ADGRL2: variants seen among roughly 807,000 people sequenced by gnomAD.
The protein encoded by ADGRL2 is adhesion G protein-coupled receptor L2, also known as calcium-independent alpha-latrotoxin receptor 2.
ADGRL2 carries 44 observed loss-of-function variants against 157.4 expected under a neutral mutation model. The ratio of observed to expected loss-of-function variants is 0.28; its 90% CI spans 0.22 to 0.36. The LOEUF is 0.36. Ranked by LOEUF, ADGRL2 falls within the 10% of genes least tolerant of loss-of-function variation. The probability of loss-of-function intolerance (pLI) is 1.00; values close to 1 mark genes in which losing one functional copy is unlikely to be tolerated. For missense variants in ADGRL2, 1,510 were observed against 1,768.9 expected (o/e 0.85, Z 2.63); for synonymous variants, 585 against 624.7 (o/e 0.94, Z 0.95).
chr1:81,767,394 C>T (rs188466035), intron 2 of ADGRL2, among the ~76,000 whole-genome samples: 1 of 152,168 alleles, frequency 6.6e-6, no homozygotes, highest in East Asian at 1.9e-4. Context: ...ATTTTGCTCC[C>T]TAGAGAATAC....
chr1:81,886,295 C>T (rs937261374), intron 2 of ADGRL2, among the ~76,000 whole-genome samples: 1 of 152,116 alleles, frequency 6.6e-6, no homozygotes, highest in Non-Finnish European at 1.5e-5. Context: ...CCTCAGCCTC[C>T]CAAGTACCTG....
At chr1:81,647,129 C>A (rs917886885) in intron 3 of ADGRL2, among the ~76,000 whole-genome samples, 1 of 152,122 alleles carries the variant, frequency 6.6e-6, no homozygotes, top group South Asian at 2.1e-4. Flanking sequence ...AAAATTCAAA[C>A]AAAATCTATC....
At chr1:81,925,678 A>T (rs1320420343) in intron 3 of ADGRL2, among the ~76,000 whole-genome samples, 2 of 151,962 alleles carry the variant, frequency 1.3e-5, no homozygotes, top group Non-Finnish European at 2.9e-5. Flanking sequence ...CACACTTCCA[A>T]AGTCTTGTTA....
At chr1:81,828,079 CAG>C (rs1256030499) in intron 1 of ADGRL2, among the ~76,000 whole-genome samples, 5 of 152,302 alleles carry the variant, frequency 3.3e-5, no homozygotes, top group Admixed American at 6.5e-5. Context: ...CATCTATAAA[CAG>C]GGGTTGGGCA....
At chr1:81,691,922 A>G (rs1050744929) in intron 3 of ADGRL2, among the ~76,000 whole-genome samples, 10 of 143,458 alleles carry the variant, frequency 7.0e-5, no homozygotes, top group Non-Finnish European at 7.6e-5. Flanking sequence ...ATATGTGTGT[A>G]TATATATATA....
intron 11 of ADGRL2, among the ~76,000 whole-genome samples, chr1:81,960,409 A>G (rs937754864): frequency 1.3e-5 from 2 of 151,998 alleles, no homozygotes; most frequent in Non-Finnish European, 2.9e-5. Context: ...GATCGGTTCC[A>G]TGGTTTAGAT....
chr1:81,718,903 A>T (rs2084206032), intron 1 of ADGRL2, among the ~76,000 whole-genome samples: 1 of 152,230 alleles, frequency 6.6e-6, no homozygotes, highest in Admixed American at 6.5e-5. Flanking sequence ...GCCCCAAAAC[A>T]ATTATCTTGG....
chr1:81,570,656 T>C (rs1282525764), intron 2 of ADGRL2, among the ~76,000 whole-genome samples: 1 of 152,204 alleles, frequency 6.6e-6, no homozygotes, highest in Non-Finnish European at 1.5e-5. Context: ...CCCAAAGTAC[T>C]GAGATTACAG....
intron 1 of ADGRL2, among the ~76,000 whole-genome samples, chr1:81,443,573 C>G (rs888692688): frequency 1.3e-4 from 20 of 152,044 alleles, no homozygotes; most frequent in African/African-American, 4.6e-4. Context: ...AGAAATCCAG[C>G]CACCTACACA....
intron 3 of ADGRL2, among the ~76,000 whole-genome samples, chr1:81,908,973 C>G (rs1268233920): frequency 6.6e-6 from 1 of 151,176 alleles, no homozygotes; most frequent in Non-Finnish European, 1.5e-5. Context: ...CTCCTGGGTT[C>G]AAGCAATTCT....
intron 2 of ADGRL2, among the ~76,000 whole-genome samples, chr1:81,852,108 C>A (rs2093034870): frequency 1.3e-5 from 2 of 151,950 alleles, no homozygotes; most frequent in African/African-American, 4.8e-5. Context: ...TTCAGAAGTG[C>A]TAGTTTCTAA....
intron 3 of ADGRL2, among the ~76,000 whole-genome samples, chr1:81,922,153 A>G (rs2094995846): frequency 6.6e-6 from 1 of 152,170 alleles, no homozygotes; most frequent in African/African-American, 2.4e-5. Context: ...ACAAACTTTC[A>G]AAAGCTGGTG....
At chr1:81,385,250 G>A (rs976223482) in intron 1 of ADGRL2, among the ~76,000 whole-genome samples, 1 of 151,972 alleles carries the variant, frequency 6.6e-6, no homozygotes, top group Non-Finnish European at 1.5e-5. Flanking sequence ...TACAGCTTTC[G>A]GGGCTTGGTG....
At chr1:81,909,932 T>C (rs2094674788) in intron 3 of ADGRL2, among the ~76,000 whole-genome samples, 1 of 151,966 alleles carries the variant, frequency 6.6e-6, no homozygotes, top group Non-Finnish European at 1.5e-5. Flanking sequence ...TAAATTGGTG[T>C]TTAGCCACTT....
intron 1 of ADGRL2, among the ~76,000 whole-genome samples, chr1:81,727,055 A>C (rs901286479): frequency 6.6e-6 from 1 of 152,240 alleles, no homozygotes; most frequent in South Asian, 2.1e-4. Context: ...CATGTACAGT[A>C]ACAATTGCAC....
chr1:81,490,320 TG>T (rs1490129352), intron 2 of ADGRL2, among the ~76,000 whole-genome samples: 5 of 152,080 alleles, frequency 3.3e-5, no homozygotes, highest in Non-Finnish European at 5.9e-5. Context: ...TTAGTAGAGA[TG>T]GGGCTTCAAC....
chr1:81,326,988 C>T (rs1660946670), intron 1 of ADGRL2, among the ~76,000 whole-genome samples: 1 of 152,100 alleles, frequency 6.6e-6, no homozygotes, highest in East Asian at 1.9e-4. Flanking sequence ...CTCGGATTTC[C>T]CTGCAGCGGA....
chr1:81,366,536 C>T (rs1168780139), intron 1 of ADGRL2, among the ~76,000 whole-genome samples: 1 of 152,102 alleles, frequency 6.6e-6, no homozygotes, highest in Non-Finnish European at 1.5e-5. Context: ...ATGCTTTTCA[C>T]TGACCCAGGA....
In ADGRL2 at chr1:81,943,071, C is replaced by G; in HGVS notation, c.512C>G (p.Ala171Gly). The G allele has an allele frequency of 3.1e-6, 5 of 1,613,278 alleles. No individual in the cohort carries two copies. Among genetic ancestry groups the G allele is most frequent in the Non-Finnish European group, 4.2e-6 (5 of 1,179,438 alleles). ...GAWCKDPLQA[A>G]DKIYFMPWTP... ...TGGTGCAAGGACCCTCTTCAGGCTGCAGATAAAATTTATTTCATGCCCTGG... is the reference window on the plus strand; with the variant it reads ...TGGTGCAAGGACCCTCTTCAGGCTGGAGATAAAATTTATTTCATGCCCTGG... Residue 171 changes from alanine to glycine, a missense_variant, in exon 6 of 24, where the codon GCA (alanine) becomes GGA (glycine). By Grantham distance (60) the Ala-to-Gly change is moderately conservative (BLOSUM62 0). This residue lies in a region of ADGRL2 where 361 missense variants were observed against 498.4 expected (regional missense o/e 0.72). Coordinates refer to ENST00000686636, the MANE Select transcript of ADGRL2 (RefSeq NM_001366006.2). The surrounding 1 kb of genome is among the most constrained non-coding windows in gnomAD (Gnocchi z 5.6).
Sources: allele counts gnomAD v4.1 joint callset (sites outside exome capture counted in the v4.1 genomes callset), GRCh38; gene constraint gnomAD v4.1.1; regional missense constraint gnomAD v4.1.1; non-coding constraint Gnocchi (gnomAD v3.1); transcripts MANE v1.5; gene names NCBI Gene and HGNC (gene_info 2026-07-23, HGNC 2026-07-21).